ADAM32: variants seen among roughly 807,000 people sequenced by gnomAD.
ADAM32 encodes disintegrin and metalloproteinase domain-containing protein 32.
ADAM32 carries 89 observed loss-of-function variants against 114.9 expected under a neutral mutation model. The observed-to-expected ratio is 0.77, with a 90% CI of 0.65 to 0.92. The LOEUF is 0.92. Ranked by LOEUF, ADAM32 falls within the 40% of genes least tolerant of loss-of-function variation. The pLI is 0.00. For synonymous variants in ADAM32, 285 were observed against 307.5 expected (o/e 0.93, Z 0.77); for missense variants, 870 against 932.8 (o/e 0.93, Z 0.88).
intron 17 of ADAM32, 92 bp from the exon 18 acceptor site, chr8:39,254,322 A>G: frequency 9.5e-7 from 1 of 1,055,640 alleles, no homozygotes; most frequent in Non-Finnish European, 1.4e-6. Context: ...AAACAAAATT[A>G]CACTAGATTA....
intron 14 of ADAM32, among the ~76,000 whole-genome samples, chr8:39,230,390 C>T (rs1585596185): frequency 6.6e-6 from 1 of 152,316 alleles, no homozygotes; most frequent in Admixed American, 6.5e-5. Flanking sequence ...TTATTGGTAA[C>T]TTTAGATGCC....
intron 2 of ADAM32, among the ~76,000 whole-genome samples, chr8:39,126,167 T>A (rs948356823): frequency 3.3e-5 from 5 of 152,204 alleles, no homozygotes; most frequent in African/African-American, 1.2e-4. Flanking sequence ...CTTTTTTGGT[T>A]CCATATGAAT....
In ADAM32 at chr8:39,149,854, T is replaced by C. The variant is rs757678647; in HGVS notation, c.340T>C (p.Cys114Arg). The C allele has an allele frequency of 6.2e-7, 1 of 1,610,668 alleles. No homozygotes were observed. The highest frequency in any genetic ancestry group is 1.1e-5 in the South Asian group (1 of 90,616). ...AGATTCCATGGTCACACTCAGCACG[T>C]GCTCTGGACTAAGGTTGTTTTCTGT... ...YPDSMVTLST[C>R]SGLRGILQFE... The change falls in exon 5 of 25, where the codon TGC becomes CGC. Residue 114 changes from cysteine to arginine, a missense_variant. Cys to Arg is a radical substitution (Grantham distance 180, BLOSUM62 -3). Transcript: ENST00000379907.
rs115427844 is a variant in ADAM32 at position 39,127,331 on chromosome 8, T to G, written c.138+9166T>G. Among the ~76,000 whole-genome samples the G allele has an allele frequency of 8.2e-3, 1,252 of 152,304 alleles. 16 individuals carry two copies. Among genetic ancestry groups the G allele is most frequent in the African/African-American group, 0.029 (1,213 of 41,562 alleles). ...CCTGGGATTTTCTTCGTTGGTAGGCTATTTATTTCTGCCTCACTTTCAGAA... is the reference window on the plus strand; with the variant it reads ...CCTGGGATTTTCTTCGTTGGTAGGCGATTTATTTCTGCCTCACTTTCAGAA... On this transcript the variant is annotated intron_variant, in intron 2 of 24. Transcript: ENST00000379907.
At position 39,211,090 on chromosome 8, in the gene ADAM32, G is replaced by C. The variant is rs1020578471; in HGVS notation, c.1053-54G>C. 3.1e-6 allele frequency: 4 copies of C among 1,293,806 alleles called. No individual in the cohort carries two copies. The African/African-American group carries it at 6.1e-5, about 20-fold the overall frequency. 80.1% of individuals were successfully genotyped at this position (1,293,806 alleles called of 1,614,324 possible). ...TTTTGAAATTAATTTATATCATATA[G>C]AAATGTGTTTCCAGAAGTATACTGC... On this transcript the variant is annotated intron_variant, in intron 11 of 24. Coordinates refer to ENST00000379907, the MANE Select transcript of ADAM32 (RefSeq NM_145004.7).
chr8:39,221,347 T>A (rs1254323796), intron 12 of ADAM32: 3 of 330,252 alleles, frequency 9.1e-6, no homozygotes, highest in Non-Finnish European at 1.7e-5. Context: ...TCGCTTTTTA[T>A]CCATTCTGAC....
At chr8:39,208,725 G>A (rs150899721) in intron 11 of ADAM32, among the ~76,000 whole-genome samples, 757 of 152,156 alleles carry the variant, frequency 5.0e-3, no homozygotes, top group African/African-American at 0.017. Context: ...AGTCCTTCCT[G>A]GTCTTTAAGG....
chr8:39,108,637 T>C (rs1217941377), intron 1 of ADAM32, among the ~76,000 whole-genome samples: 1 of 152,154 alleles, frequency 6.6e-6, no homozygotes, highest in Non-Finnish European at 1.5e-5. Context: ...AGATTCAGAA[T>C]AGTATGTAAT....
intron 6 of ADAM32, among the ~76,000 whole-genome samples, chr8:39,155,448 A>G (rs532935576): frequency 3.5e-4 from 54 of 152,368 alleles, no homozygotes; most frequent in African/African-American, 1.2e-3. Flanking sequence ...TGACATTGAG[A>G]GAGGCCAAAC....
chr8:39,178,717 T>C (rs1241322705), intron 10 of ADAM32, among the ~76,000 whole-genome samples: 2 of 152,102 alleles, frequency 1.3e-5, no homozygotes, highest in Admixed American at 6.6e-5. Flanking sequence ...TTTTTGTTGA[T>C]GTTATTTTGA....
At chr8:39,146,411 A>AT (rs367827964) in intron 3 of ADAM32, among the ~76,000 whole-genome samples, 2,504 of 138,758 alleles carry the variant, frequency 0.018, 94 homozygotes, top group African/African-American at 0.051. Context: ...TGTCTATTAA[A>AT]TTTTTTTTTT....
intron 12 of ADAM32, 42 bp from the exon 13 acceptor site, chr8:39,221,568 T>C: frequency 5.5e-6 from 8 of 1,458,698 alleles, no homozygotes; most frequent in Non-Finnish European, 7.6e-6. Context: ...ATTTTACTAT[T>C]GTCATGATGT....
chr8:39,123,863 C>A (rs1194012627), intron 2 of ADAM32, among the ~76,000 whole-genome samples: 1 of 151,932 alleles, frequency 6.6e-6, no homozygotes, highest in East Asian at 1.9e-4. Flanking sequence ...CACGCCATGA[C>A]ACCCAGCTAA....
intron 19 of ADAM32, among the ~76,000 whole-genome samples, chr8:39,266,197 G>T (rs1812341021): frequency 6.6e-6 from 1 of 152,096 alleles, no homozygotes; most frequent in African/African-American, 2.4e-5. Context: ...TCCTGAATTT[G>T]CATGTCAACA....
At chr8:39,266,418 G>A (rs781610558) in intron 19 of ADAM32, among the ~76,000 whole-genome samples, 5 of 152,086 alleles carry the variant, frequency 3.3e-5, no homozygotes, top group African/African-American at 4.8e-5. Flanking sequence ...TGGTCTTCAA[G>A]CTCTGAGATT....
At chr8:39,197,580 T>A (rs946053612) in intron 11 of ADAM32, among the ~76,000 whole-genome samples, 1 of 152,204 alleles carries the variant, frequency 6.6e-6, no homozygotes, top group Non-Finnish European at 1.5e-5. Context: ...GACCCAATGG[T>A]TATTCAGGAG....
rs1188372357 is a variant in ADAM32, at chr8:39,114,228, G to C, written c.59-3858G>C. 2.6e-5 allele frequency among the ~76,000 whole-genome samples: 4 copies of C among 152,308 alleles called. No individual in the cohort carries two copies. The South Asian group carries it at 6.2e-4, about 24-fold the overall frequency. On this transcript the variant is annotated intron_variant, in intron 1 of 24. Coordinates refer to ENST00000379907, the MANE Select transcript of ADAM32 (RefSeq NM_145004.7). The stretch of plus-strand genomic sequence containing the variant: ...AGTCAGTAAATAATACTCCCTGAAA[G>C]TCTGGCTATTTCCCCTCCCCTGGGC...
At chr8:39,251,033 A>G (rs1299366604) in intron 17 of ADAM32, among the ~76,000 whole-genome samples, 2 of 151,852 alleles carry the variant, frequency 1.3e-5, no homozygotes, top group East Asian at 3.9e-4. Context: ...TATGTTTTAC[A>G]TTGTGTATGT....
intron 16 of ADAM32, among the ~76,000 whole-genome samples, chr8:39,237,498 C>A (rs1327572970): frequency 6.6e-6 from 1 of 151,886 alleles, no homozygotes; most frequent in African/African-American, 2.4e-5. Flanking sequence ...GCCCTGTGCA[C>A]CAGAGGCCTG....
Sources: gnomAD v4.1 joint callset for allele counts (sites outside exome capture counted in the v4.1 genomes callset) on GRCh38, gnomAD v4.1.1 for gene constraint, MANE v1.5 for transcripts, NCBI Gene and HGNC (gene_info 2026-07-23, HGNC 2026-07-21) for gene names.